PLCB4: variants seen among roughly 807,000 people sequenced by gnomAD.
PLCB4 encodes the protein phospholipase C beta 4.
PLCB4 carries 77 observed loss-of-function variants against 178.8 expected under a neutral mutation model. The ratio of observed to expected loss-of-function variants is 0.43; its 90% CI spans 0.36 to 0.52. PLCB4 has a LOEUF of 0.52. Among genes scored for constraint, PLCB4 ranks in the 20% least tolerant of loss-of-function variants. The pLI is 0.00. For missense variants in PLCB4, 1,024 were observed against 1,453.4 expected (o/e 0.70, Z 4.80); for synonymous variants, 496 against 490.8 (o/e 1.01, Z -0.14).
chr20:9,136,429 G>A (rs749354405), intron 2 of PLCB4, among the ~76,000 whole-genome samples: 1 of 152,074 alleles, frequency 6.6e-6, no homozygotes, highest in Non-Finnish European at 1.5e-5. Context: ...ATATGCTTCC[G>A]AGTTGTCCCA....
intron 2 of PLCB4, among the ~76,000 whole-genome samples, chr20:9,144,112 G>C (rs73609441): frequency 0.026 from 4,030 of 152,210 alleles, 165 homozygotes; most frequent in African/African-American, 0.09. Flanking sequence ...ATGCAGATGT[G>C]TTTTGAAATA....
intron 36 of PLCB4, among the ~76,000 whole-genome samples, chr20:9,468,977 A>AT (rs11482173): frequency 0.13 from 18,988 of 146,784 alleles, 1,726 homozygotes; most frequent in East Asian, 0.5. Flanking sequence ...TATTTTATTC[A>AT]TTTTTTTTTT....
At chr20:9,116,256 C>T (rs1271557247) in intron 2 of PLCB4, among the ~76,000 whole-genome samples, 2 of 151,914 alleles carry the variant, frequency 1.3e-5, no homozygotes, top group Non-Finnish European at 2.9e-5. Flanking sequence ...TTTCACATTC[C>T]CCAGAAGTAA....
At chr20:9,349,021 G>A (rs767896834) in intron 7 of PLCB4, among the ~76,000 whole-genome samples, 1 of 150,658 alleles carries the variant, frequency 6.6e-6, no homozygotes, top group Non-Finnish European at 1.5e-5. Context: ...GGATGTAGTT[G>A]CATGACATTC....
intron 2 of PLCB4, among the ~76,000 whole-genome samples, chr20:9,160,749 G>T (rs913783837): frequency 6.6e-6 from 1 of 152,148 alleles, no homozygotes; most frequent in Admixed American, 6.5e-5. Context: ...GCCTGCAAGG[G>T]CATAGAAAAG....
At chr20:9,416,591 T>C (rs2040264542) in intron 25 of PLCB4, among the ~76,000 whole-genome samples, 2 of 152,320 alleles carry the variant, frequency 1.3e-5, no homozygotes, top group South Asian at 2.1e-4. Flanking sequence ...TCACCTACTT[T>C]CCATCCTGAT....
chr20:9,383,331 A>G (rs1262848312), intron 13 of PLCB4, among the ~76,000 whole-genome samples: 2 of 152,234 alleles, frequency 1.3e-5, no homozygotes, highest in Non-Finnish European at 2.9e-5. Flanking sequence ...TGTAAATCAA[A>G]TAAGGCAAAA....
At chr20:9,431,732 A>G (rs888843289) in intron 28 of PLCB4, among the ~76,000 whole-genome samples, 9 of 151,402 alleles carry the variant, frequency 5.9e-5, no homozygotes, top group African/African-American at 2.2e-4. Context: ...CTGATCTTAA[A>G]TTCTTGACCT....
intron 1 of PLCB4, among the ~76,000 whole-genome samples, chr20:9,078,245 T>A (rs2089971251): frequency 6.6e-6 from 1 of 152,152 alleles, no homozygotes; most frequent in Non-Finnish European, 1.5e-5. Flanking sequence ...CCTTCCAAAG[T>A]GTTGGGATTA....
chr20:9,337,570 C>A (rs1006932578), intron 5 of PLCB4, among the ~76,000 whole-genome samples: 2 of 152,118 alleles, frequency 1.3e-5, no homozygotes, highest in African/African-American at 4.8e-5. Flanking sequence ...GTGTGTTCAT[C>A]TCATTATACC....
At chr20:9,256,690 A>G (rs1193976707) in intron 3 of PLCB4, among the ~76,000 whole-genome samples, 6 of 152,218 alleles carry the variant, frequency 3.9e-5, no homozygotes, top group Admixed American at 2.0e-4. Context: ...TGAGGAACAT[A>G]TCTTTTTAAG....
chr20:9,338,778 G>T lies in PLCB4; in HGVS notation c.226-116G>T, dbSNP rs1601938533. 1.8e-5 allele frequency: 13 copies of T among 708,742 alleles called. No homozygotes were observed. The East Asian group carries it at 2.9e-4, about 16-fold the overall frequency. 43.9% of individuals were successfully genotyped at this position (708,742 alleles called of 1,614,324 possible). ...TCTACAGGTTTTAGAATAATGCTAG[G>T]TGTCTGGGCCCTTATGTTTATTTTT... On this transcript the variant is annotated intron_variant, in intron 6 of 39. Transcript: ENST00000378473.
chr20:9,309,332 T>G (rs989194770), intron 4 of PLCB4, among the ~76,000 whole-genome samples: 3 of 152,218 alleles, frequency 2.0e-5, no homozygotes, highest in African/African-American at 7.2e-5. Flanking sequence ...CTGGTTTGAT[T>G]GGTGAACTCC....
At position 9,102,739 on chromosome 20, in the gene PLCB4, T is replaced by C. The variant is rs73895549; in HGVS notation, c.-79+6397T>C. On this transcript the variant is annotated intron_variant, in intron 2 of 39. Transcript: ENST00000378473. ...TCCTCTTAATAATGCCAGAGCATAT[T>C]TGGGGGGGGGCTATAGCTTGAACAA... Among the ~76,000 whole-genome samples the C allele has an allele frequency of 7.3e-3, 1,071 of 147,606 alleles. 11 individuals are homozygous for C. The highest frequency in any genetic ancestry group is 0.025 in the African/African-American group (1,008 of 39,798).
chr20:9,146,062 T>C (rs1367344427), intron 2 of PLCB4, among the ~76,000 whole-genome samples: 1 of 152,154 alleles, frequency 6.6e-6, no homozygotes, highest in Non-Finnish European at 1.5e-5. Context: ...GGAACTCCCA[T>C]GATTCAAAAT....
intron 2 of PLCB4, among the ~76,000 whole-genome samples, chr20:9,195,310 G>A (rs1268590905): frequency 6.6e-6 from 1 of 152,194 alleles, no homozygotes; most frequent in Non-Finnish European, 1.5e-5. Context: ...CTGCTGGTCT[G>A]TGGGCACCTT....
chr20:9,171,124 G>GT lies in PLCB4; in HGVS notation c.-78-46259dup, dbSNP rs112982243. Among the ~76,000 whole-genome samples the GT allele has an allele frequency of 2.8e-3, 433 of 152,220 alleles. 2 individuals are homozygous for GT. Among genetic ancestry groups the GT allele is most frequent in the African/African-American group, 9.5e-3 (396 of 41,552 alleles). Reference sequence around the variant, plus strand: ...AAGCTCTTATTCACACCTTGACATAGTTTTTTTGTGTGTGTGTGAATATGA... The same window carrying GT: ...AAGCTCTTATTCACACCTTGACATAGTTTTTTTTGTGTGTGTGTGAATATGA... On this transcript the variant is annotated intron_variant, in intron 2 of 39. Transcript: ENST00000378473.
chr20:9,357,904 AG>A (rs528707341), intron 7 of PLCB4, among the ~76,000 whole-genome samples: 248 of 152,318 alleles, frequency 1.6e-3, no homozygotes, highest in Non-Finnish European at 1.9e-3. Context: ...CTCCAAGTTG[AG>A]GGGGGCTGCT....
At chr20:9,118,352 G>A (rs1344535364) in intron 2 of PLCB4, among the ~76,000 whole-genome samples, 2 of 149,202 alleles carry the variant, frequency 1.3e-5, no homozygotes, top group East Asian at 3.9e-4. Context: ...CAGAGCAACG[G>A]TAAGTGCAAT....
Sources: allele counts gnomAD v4.1 joint callset (sites outside exome capture counted in the v4.1 genomes callset), GRCh38; gene constraint gnomAD v4.1.1; transcripts MANE v1.5; gene names NCBI Gene and HGNC (gene_info 2026-07-23, HGNC 2026-07-21).